NUDC: variants seen among roughly 807,000 people sequenced by gnomAD.
NUDC encodes nuclear migration protein nudC.
In NUDC, 14 loss-of-function variants were observed where a neutral mutation model predicts 45.0. The observed-to-expected ratio is 0.31, with a 90% CI of 0.21 to 0.49. NUDC has a LOEUF of 0.49. Ranked by LOEUF, NUDC falls within the 20% of genes least tolerant of loss-of-function variation. NUDC has a pLI of 0.99. For missense variants in NUDC, 323 were observed against 426.2 expected, an observed-to-expected ratio of 0.76 and a Z score of 2.13; for synonymous variants, 153 against 156.7, an observed-to-expected ratio of 0.98 and a Z score of 0.17.
chr1:26,940,781 G>A (rs1337304342), intron 2 of NUDC, among the ~76,000 whole-genome samples: 2 of 152,154 alleles, frequency 1.3e-5, no homozygotes, highest in African/African-American at 4.8e-5. Flanking sequence ...CACCTCCCTA[G>A]TTCAAGCAAT....
intron 2 of NUDC, among the ~76,000 whole-genome samples, chr1:26,940,353 A>G (rs1301303111): frequency 2.0e-5 from 3 of 151,996 alleles, no homozygotes; most frequent in African/African-American, 4.8e-5. Flanking sequence ...GCACATGCCT[A>G]TAATCCCAGC....
intron 3 of NUDC, chr1:26,912,146 A>G: frequency 6.2e-7 from 1 of 1,602,940 alleles, no homozygotes; most frequent in Non-Finnish European, 8.5e-7. Flanking sequence ...ACCAAAGGAC[A>G]AGACTGGCCC....
At chr1:26,937,504 C>T (rs1306238476) in intron 2 of NUDC, among the ~76,000 whole-genome samples, 1 of 151,276 alleles carries the variant, frequency 6.6e-6, no homozygotes, top group Non-Finnish European at 1.5e-5. Flanking sequence ...CTGGTCTTAA[C>T]CTCCTGAGCT....
intron 6 of NUDC, 86 bp from the exon 7 acceptor site, chr1:26,945,304 A>C: frequency 5.6e-6 from 6 of 1,063,844 alleles, no homozygotes; most frequent in Non-Finnish European, 8.7e-6. Context: ...TGTGGATGGG[A>C]GAGAGTTTGG....
At chr1:26,927,262 A>G (rs2082140737) in intron 2 of NUDC, among the ~76,000 whole-genome samples, 2 of 9,510 alleles carry the variant, frequency 2.1e-4, no homozygotes, top group South Asian at 5.4e-3. Flanking sequence ...AGAGAGATGA[A>G]CCGTGTGTGT....
At chr1:26,940,289 C>T (rs1237855838) in intron 2 of NUDC, among the ~76,000 whole-genome samples, 2 of 151,930 alleles carry the variant, frequency 1.3e-5, no homozygotes, top group African/African-American at 4.8e-5. Context: ...CCAGCCTGAC[C>T]AACATGGAGA....
chr1:26,931,436 G>T (rs2082183072), intron 2 of NUDC, among the ~76,000 whole-genome samples: 1 of 139,446 alleles, frequency 7.2e-6, no homozygotes, highest in Non-Finnish European at 1.5e-5. Flanking sequence ...AGGTTGGAGT[G>T]CAGTGGCACC....
intron 1 of NUDC, 129 bp from the exon 2 acceptor site, chr1:26,923,960 C>T: frequency 1.3e-6 from 1 of 787,676 alleles, no homozygotes. Context: ...ATAATCTCCT[C>T]AGTTGGGAAG....
intron 2 of NUDC, among the ~76,000 whole-genome samples, chr1:26,936,095 A>G (rs1415939625): frequency 8.0e-6 from 1 of 124,350 alleles, no homozygotes; most frequent in African/African-American, 3.0e-5. Flanking sequence ...CAGCCTCCCA[A>G]GTAGCTGGGA....
In NUDC at chr1:26,942,977, T is replaced by C; in HGVS notation, c.653T>C (p.Ile218Thr). The C allele has an allele frequency of 6.2e-7, 1 of 1,614,076 alleles. No homozygotes were observed. Among genetic ancestry groups the C allele is most frequent in the Non-Finnish European group, 8.5e-7 (1 of 1,180,004 alleles). Residue 218 changes from isoleucine (I) to threonine (T), a missense_variant, in exon 6 of 9, where the codon ATT becomes ACT. By Grantham distance (89) the Ile-to-Thr change is moderately conservative (BLOSUM62 -1). Coordinates refer to ENST00000321265, the MANE Select transcript of NUDC (RefSeq NM_006600.4). ...RVGLKGQPAI[I>T]DGELYNEVKV... ...GGGCTCAAGGGGCAGCCAGCGATCA[T>C]TGATGGGGAGCTCTACAATGAAGTG...
At chr1:26,906,765 T>C (rs946612561) in intron 2 of NUDC, among the ~76,000 whole-genome samples, 1 of 151,788 alleles carries the variant, frequency 6.6e-6, no homozygotes, top group African/African-American at 2.4e-5. Flanking sequence ...AGGAGAATGG[T>C]GTGAACCCGG....
intron 2 of NUDC, among the ~76,000 whole-genome samples, chr1:26,939,791 G>A (rs180959591): frequency 1.3e-5 from 2 of 152,328 alleles, no homozygotes; most frequent in Admixed American, 1.3e-4. Flanking sequence ...CTGGAGTGGG[G>A]CTTAAGATTT....
intron 2 of NUDC, among the ~76,000 whole-genome samples, chr1:26,935,170 C>A (rs538244893): frequency 5.9e-5 from 9 of 151,860 alleles, no homozygotes; most frequent in Admixed American, 5.9e-4. Flanking sequence ...TTAGTAGAGA[C>A]AGGGTTTCAC....
At chr1:26,939,414 C>T (rs1386404679) in intron 2 of NUDC, among the ~76,000 whole-genome samples, 1 of 151,828 alleles carries the variant, frequency 6.6e-6, no homozygotes, top group Non-Finnish European at 1.5e-5. Flanking sequence ...ATCACTTGAC[C>T]CAGGAGTTTG....
rs2082276580 is a variant in NUDC, at chr1:26,941,548, A to G, written c.251A>G (p.Lys84Arg). The G allele has an allele frequency of 6.2e-7, 1 of 1,611,930 alleles. No homozygotes were observed. Among genetic ancestry groups the G allele is most frequent in the Admixed American group, 1.7e-5 (1 of 59,596 alleles). The change falls in exon 3 of 9, where the codon AAG becomes AGG. Residue 84 changes from lysine to arginine, a missense_variant. Physicochemically the swap from Lys to Arg is conservative, Grantham distance 26. This residue lies in a region of NUDC where 245 missense variants were observed against 278.8 expected (regional missense o/e 0.88). Coordinates refer to ENST00000321265, the MANE Select transcript of NUDC (RefSeq NM_006600.4). ...CGGCAGGAGGCCGAGCGGCGGGAGA[A>G]GGCGGAGCGGGCGGCCAGACTGGCC... ...RARQEAERRE[K>R]AERAARLAKE...
chr1:26,931,833 C>CCCA (rs2082186599), intron 2 of NUDC, among the ~76,000 whole-genome samples: 1 of 150,458 alleles, frequency 6.6e-6, no homozygotes, highest in Non-Finnish European at 1.5e-5. Flanking sequence ...ACTACAGGTG[C>CCCA]CCACCACCAC....
upstream of NUDC, among the ~76,000 whole-genome samples, chr1:26,917,904 G>T (rs572169551): frequency 6.7e-6 from 1 of 149,928 alleles, no homozygotes; most frequent in Non-Finnish European, 1.5e-5. Flanking sequence ...AAAAAAAGAA[G>T]AAGAAACCAG....
Position 26,945,381 on chromosome 1 carries a change from T to A in NUDC, c.742-9T>A. 1.9e-6 allele frequency: 3 copies of A among 1,613,634 alleles called. No homozygotes were observed. Among genetic ancestry groups the A allele is most frequent in the Non-Finnish European group, 2.5e-6 (3 of 1,179,594 alleles). ...GCCACCTCCCACCCTCTGGTTGTTC[T>A]CTTCACAGATCAATAAGATGGAGTG... On this transcript the variant is annotated splice_polypyrimidine_tract_variant and intron_variant, in intron 6 of 8. Coordinates refer to ENST00000321265, the MANE Select transcript of NUDC (RefSeq NM_006600.4).
Position 26,901,393 on chromosome 1 carries a change from T to C in NUDC, c.-100-889T>C, listed in dbSNP as rs1473552478. Among the ~76,000 whole-genome samples the C allele has an allele frequency of 3.3e-5, 5 of 149,764 alleles. No individual in the cohort carries two copies. The East Asian group carries it at 9.7e-4, about 29-fold the overall frequency. On this transcript the variant is annotated intron_variant, in intron 1 of 6. Transcript: ENST00000435827. ...GGTGTGAGCCACGGTCCCCGCCTTT[T>C]TGTCTTTTTTTTTTTTTTTTTTTTT...
Sources: allele counts gnomAD v4.1 joint callset (sites outside exome capture counted in the v4.1 genomes callset), GRCh38; gene constraint gnomAD v4.1.1; regional missense constraint gnomAD v4.1.1; transcripts MANE v1.5; gene names NCBI Gene and HGNC (gene_info 2026-07-23, HGNC 2026-07-21).